ERC1: variants seen among roughly 807,000 people sequenced by gnomAD.
The protein encoded by ERC1 is RAB6 interacting protein 2.
Under a neutral mutation model 132.0 loss-of-function variants are expected in ERC1, and 56 were observed. The ratio of observed to expected loss-of-function variants is 0.42; its 90% CI spans 0.34 to 0.53. The LOEUF (loss-of-function observed/expected upper bound fraction) is 0.53. Among genes scored for constraint, ERC1 ranks in the 20% least tolerant of loss-of-function variants. ERC1 has a pLI of 0.03. For missense variants in ERC1, 1,202 were observed against 1,349.9 expected (o/e 0.89, Z 1.72); for synonymous variants, 478 against 476.1 (o/e 1.00, Z -0.05).
chr12:1,048,754 A>T (rs979314650), intron 2 of ERC1, among the ~76,000 whole-genome samples: 10 of 152,226 alleles, frequency 6.6e-5, no homozygotes, highest in African/African-American at 2.2e-4. Context: ...ATACTCAAAG[A>T]TTTATAGTCT....
intron 8 of ERC1, chr12:1,152,707 A>T (rs1214448739): frequency 2.0e-5 from 3 of 153,682 alleles, no homozygotes; most frequent in Non-Finnish European, 4.4e-5. Context: ...AGCAACAGAC[A>T]GAAATATCGG....
At chr12:1,334,428 T>A (rs568157248) in intron 15 of ERC1, among the ~76,000 whole-genome samples, 4 of 152,346 alleles carry the variant, frequency 2.6e-5, no homozygotes, top group African/African-American at 9.6e-5. Flanking sequence ...AAGGAAGGGA[T>A]CCAGTTTCAA....
chr12:1,471,134 G>T (rs1203860196), intron 18 of ERC1, among the ~76,000 whole-genome samples: 1 of 152,142 alleles, frequency 6.6e-6, no homozygotes, highest in Non-Finnish European at 1.5e-5. Context: ...CCCACATCAA[G>T]ATAAAACCTG....
chr12:994,813 T>G (rs977455273), intron 1 of ERC1, among the ~76,000 whole-genome samples: 2 of 151,802 alleles, frequency 1.3e-5, no homozygotes, highest in African/African-American at 4.8e-5. Flanking sequence ...ATAAAAAAAT[T>G]AGGCCGGGTG....
At position 1,304,854 on chromosome 12, in the gene ERC1, A is replaced by G. The variant is rs535010643; in HGVS notation, c.2780+14842A>G. ...GCCCGGGCTGGAGTACAGTGGCGTG[A>G]TCTCGGCTCACTGCAAGCTCCGCCT... On this transcript the variant is annotated intron_variant, in intron 15 of 18. Transcript: ENST00000360905. 2.3e-3 allele frequency among the ~76,000 whole-genome samples: 278 copies of G among 120,040 alleles called. 1 individual carries two copies. Among genetic ancestry groups the G allele is most frequent in the African/African-American group, 7.3e-3 (228 of 31,064 alleles). 78.8% of individuals were successfully genotyped at this position (120,040 alleles called of 152,430 possible).
chr12:1,290,044 A>G, intron 15 of ERC1, 32 bp downstream of exon 15: 1 of 1,591,008 alleles, frequency 6.3e-7, no homozygotes, highest in South Asian at 1.1e-5. Flanking sequence ...CTTCAAGCAT[A>G]TGCTTAGTGG....
At chr12:1,202,109 GTTTC>G (rs750641580) in intron 12 of ERC1, among the ~76,000 whole-genome samples, 11 of 152,164 alleles carry the variant, frequency 7.2e-5, no homozygotes, top group Non-Finnish European at 1.2e-4. Context: ...GAAGCTGCTT[GTTTC>G]TTTCTTCTTC....
chr12:1,346,915 G>C (rs1457954549), intron 15 of ERC1, among the ~76,000 whole-genome samples: 1 of 147,348 alleles, frequency 6.8e-6, no homozygotes, highest in African/African-American at 2.6e-5. Flanking sequence ...GCAGTCCGCA[G>C]TCCGGCCTGG....
At chr12:1,076,429 C>T (rs1941358584) in intron 2 of ERC1, among the ~76,000 whole-genome samples, 1 of 140,008 alleles carries the variant, frequency 7.1e-6, no homozygotes, top group Non-Finnish European at 1.5e-5. Context: ...GAGTCTCACT[C>T]TGTCGCCCAG....
intron 3 of ERC1, among the ~76,000 whole-genome samples, chr12:1,102,526 T>C (rs1944784128): frequency 6.6e-6 from 1 of 151,914 alleles, no homozygotes. Flanking sequence ...AGCACAGGAG[T>C]AGGAAGGGAC....
At chr12:1,180,105 T>C (rs1011690937) in intron 8 of ERC1, among the ~76,000 whole-genome samples, 1 of 152,208 alleles carries the variant, frequency 6.6e-6, no homozygotes, top group Non-Finnish European at 1.5e-5. Context: ...CTCTATCCTC[T>C]GTCCTCCCTT....
chr12:1,329,985 G>A (rs1367547293), intron 15 of ERC1, among the ~76,000 whole-genome samples: 1 of 152,160 alleles, frequency 6.6e-6, no homozygotes, highest in Non-Finnish European at 1.5e-5. Flanking sequence ...TATAAAAGCT[G>A]AGATGGCAAT....
intron 18 of ERC1, among the ~76,000 whole-genome samples, chr12:1,476,865 T>C (rs1235297891): frequency 6.6e-6 from 1 of 152,222 alleles, no homozygotes; most frequent in Non-Finnish European, 1.5e-5. Flanking sequence ...TAAATGTCTA[T>C]TGGAGTTAAA....
chr12:1,030,830 A>G (rs534578871), intron 2 of ERC1, among the ~76,000 whole-genome samples: 3 of 152,338 alleles, frequency 2.0e-5, no homozygotes, highest in African/African-American at 7.2e-5. Flanking sequence ...AGTTGCCTAC[A>G]GTATTCAATA....
At chr12:1,389,525 C>T (rs1381998941) in intron 16 of ERC1, among the ~76,000 whole-genome samples, 4 of 152,168 alleles carry the variant, frequency 2.6e-5, no homozygotes, top group African/African-American at 9.7e-5. Context: ...AGAATTGGCT[C>T]TACTGGATAT....
intron 2 of ERC1, among the ~76,000 whole-genome samples, chr12:1,049,317 T>C (rs1971546788): frequency 1.3e-5 from 2 of 152,260 alleles, no homozygotes; most frequent in African/African-American, 4.8e-5. Flanking sequence ...AGATCATCTC[T>C]AAATCTCTCT....
intron 13 of ERC1, chr12:1,244,471 TATTC>T (rs1185857463): frequency 9.1e-6 from 4 of 438,226 alleles, no homozygotes; most frequent in African/African-American, 2.0e-5. Flanking sequence ...AGTATTAAAA[TATTC>T]ATTAAGTGTT....
At chr12:1,331,273 G>A in intron 15 of ERC1, among the ~76,000 whole-genome samples, 1 of 152,098 alleles carries the variant, frequency 6.6e-6, no homozygotes. Context: ...GTACTCTTTT[G>A]TGTCTGGGTT....
chr12:1,221,690 G>A (rs1445045572), intron 12 of ERC1, among the ~76,000 whole-genome samples: 1 of 152,046 alleles, frequency 6.6e-6, no homozygotes, highest in Non-Finnish European at 1.5e-5. Context: ...GAAACTATTA[G>A]CATTTTATTT....
Sources: gnomAD v4.1 joint callset for allele counts (sites outside exome capture counted in the v4.1 genomes callset) on GRCh38, gnomAD v4.1.1 for gene constraint, MANE v1.5 for transcripts, NCBI Gene and HGNC (gene_info 2026-07-23, HGNC 2026-07-21) for gene names.